The following BCAS3 variants were observed in gnomAD, a reference collection of about 807,000 sequenced individuals.
BCAS3 encodes the protein BCAS3 microtubule associated cell migration factor, also known as BCAS4/BCAS3 fusion.
Under a neutral mutation model 116.1 loss-of-function variants are expected in BCAS3, and 53 were observed. That is an observed-to-expected ratio of 0.46 (90% confidence interval 0.37 to 0.57). The LOEUF (loss-of-function observed/expected upper bound fraction) is 0.57. BCAS3 is among the 20% of genes least tolerant of loss of function. BCAS3 has a pLI of 0.00. For missense variants in BCAS3, 917 were observed against 1,165.4 expected (o/e 0.79, Z 3.10); for synonymous variants, 391 against 408.2 (o/e 0.96, Z 0.51).
intron 10 of BCAS3, among the ~76,000 whole-genome samples, chr17:60,895,049 T>G (rs2145028560): frequency 6.6e-6 from 1 of 152,194 alleles, no homozygotes; most frequent in South Asian, 2.1e-4. Context: ...CCTTGTCTGG[T>G]TTTGGTATCA....
Position 60,725,927 on chromosome 17 carries a change from C to G in BCAS3, c.321+16602C>G, listed in dbSNP as rs1327433710. 2.0e-5 allele frequency among the ~76,000 whole-genome samples: 3 copies of G among 152,006 alleles called. No individual in the cohort carries two copies. The East Asian group carries it at 5.8e-4, about 29-fold the overall frequency. ...TTGTTGTTTTTGAGACGGAGTTTCG[C>G]TCTTGTTGCCCAGCCTGGAGTGCAA... On this transcript the variant is annotated intron_variant, in intron 5 of 23. Transcript: ENST00000407086.
chr17:60,779,832 A>G (rs1598658258), intron 6 of BCAS3, among the ~76,000 whole-genome samples: 1 of 152,188 alleles, frequency 6.6e-6, no homozygotes, highest in Admixed American at 6.6e-5. Context: ...AAATCATGCA[A>G]GAATGGTATG....
intron 11 of BCAS3, among the ~76,000 whole-genome samples, chr17:60,907,066 A>G (rs1318858498): frequency 3.3e-5 from 5 of 152,180 alleles, no homozygotes; most frequent in African/African-American, 1.2e-4. Flanking sequence ...GGATAAATAT[A>G]TTCATTGCAT....
chr17:61,055,314 C>A (rs1393525876), intron 19 of BCAS3, among the ~76,000 whole-genome samples: 1 of 152,120 alleles, frequency 6.6e-6, no homozygotes, highest in African/African-American at 2.4e-5. Flanking sequence ...AATTCTGGCG[C>A]CATTTCAGGG....
intron 13 of BCAS3, among the ~76,000 whole-genome samples, chr17:60,931,484 A>C (rs538522047): frequency 1.4e-4 from 21 of 151,958 alleles, no homozygotes; most frequent in Non-Finnish European, 2.9e-4. Context: ...ACCATGTTGC[A>C]CGGGCTGGTC....
Position 61,067,273 on chromosome 17 carries a change from GTATATATATATA to G in BCAS3, c.2030-7615_2030-7604del, listed in dbSNP as rs1199603635. On this transcript the variant is annotated intron_variant, in intron 19 of 23. Transcript: ENST00000407086. ...CATAACTTTATTTATGTGTGTATGT[GTATATATATATA>G]TATATATATATATATATATATATAT... 3.6e-3 allele frequency among the ~76,000 whole-genome samples: 210 copies of G among 58,800 alleles called. 1 individual carries two copies. Among genetic ancestry groups the G allele is most frequent in the East Asian group, 0.01 (20 of 1,944 alleles). 38.6% of individuals were successfully genotyped at this position (58,800 alleles called of 152,430 possible).
At chr17:60,891,385 ACATGTTAATATCTGGTGT>A (rs2057137382) in intron 10 of BCAS3, among the ~76,000 whole-genome samples, 1 of 152,224 alleles carries the variant, frequency 6.6e-6, no homozygotes, top group Admixed American at 6.5e-5. Flanking sequence ...CTTCAGGAAT[ACATGTTAATATCTGGTGT>A]CATGTACAGA....
chr17:60,923,227 C>G (rs2059196716), intron 12 of BCAS3, among the ~76,000 whole-genome samples: 1 of 152,296 alleles, frequency 6.6e-6, no homozygotes, highest in South Asian at 2.1e-4. Flanking sequence ...GCATAAAGAT[C>G]TGACAGGATA....
chr17:61,042,291 GTGT>G (rs1687280300), intron 19 of BCAS3, among the ~76,000 whole-genome samples: 1 of 151,966 alleles, frequency 6.6e-6, no homozygotes, highest in Non-Finnish European at 1.5e-5. Context: ...ATTGTGTTTT[GTGT>G]TGTTATTTTG....
At chr17:61,046,022 AT>A (rs1392222344) in intron 19 of BCAS3, among the ~76,000 whole-genome samples, 1 of 11,798 alleles carries the variant, frequency 8.5e-5, no homozygotes, top group African/African-American at 7.3e-4. Context: ...TTATATATAT[AT>A]TATATATATA....
In BCAS3 at chr17:61,219,283, G is replaced by A. The variant is rs778720190; in HGVS notation, c.2425+134719G>A. Among the ~76,000 whole-genome samples the A allele has an allele frequency of 5.3e-5, 8 of 152,150 alleles. No individual in the cohort carries two copies. The highest frequency in any genetic ancestry group is 1.0e-4 in the Non-Finnish European group (7 of 68,030). The stretch of plus-strand genomic sequence containing the variant: ...AAATCCTGTGTCTCAGTGGTACCCA[G>A]CGATACCCTGGAGAGGAACATTCCA... On this transcript the variant is annotated intron_variant, in intron 22 of 23. Transcript: ENST00000407086. This position sits in a 1 kb window ranked among gnomAD's most constrained non-coding sequence, Gnocchi z 5.2.
chr17:60,707,511 C>A (rs940602592), intron 4 of BCAS3, among the ~76,000 whole-genome samples: 1 of 152,196 alleles, frequency 6.6e-6, no homozygotes, highest in Non-Finnish European at 1.5e-5. Flanking sequence ...CCAATCTTTA[C>A]ATCATTTATT....
At chr17:60,981,036 A>C (rs1050068313) in intron 14 of BCAS3, among the ~76,000 whole-genome samples, 4 of 151,752 alleles carry the variant, frequency 2.6e-5, no homozygotes, top group African/African-American at 9.7e-5. Context: ...GGTCCTTGCT[A>C]TGTTGCACAG....
intron 9 of BCAS3, among the ~76,000 whole-genome samples, chr17:60,875,954 T>C (rs1262420917): frequency 6.6e-6 from 1 of 152,062 alleles, no homozygotes; most frequent in Non-Finnish European, 1.5e-5. Flanking sequence ...CCCAATTATT[T>C]TGAAGCATAT....
intron 7 of BCAS3, among the ~76,000 whole-genome samples, chr17:60,823,581 C>T (rs2050138825): frequency 6.6e-6 from 1 of 151,632 alleles, no homozygotes; most frequent in Non-Finnish European, 1.5e-5. Flanking sequence ...CAAAACAAAA[C>T]GAAATGGAGA....
At chr17:60,688,309 A>AT (rs886864298) in intron 3 of BCAS3, 30 of 149,834 alleles carry the variant, frequency 2.0e-4, no homozygotes, top group East Asian at 5.9e-4. Context: ...TTAGGGGAGA[A>AT]TTTTTTTTTT....
rs982492861 is a variant in BCAS3 at position 61,186,316 on chromosome 17, A to T, written c.2425+101752A>T. Among the ~76,000 whole-genome samples, 1 of 152,170 alleles carries T rather than the reference A, an allele frequency of 6.6e-6. No individual in the cohort carries two copies. Among genetic ancestry groups the T allele is most frequent in the Non-Finnish European group, 1.5e-5 (1 of 68,002 alleles). ...TTGTCTTTATTACAGTTAGTTATCCATCCCTATATCTTAGCTGTTTTCACT... is the reference window on the plus strand; with the variant it reads ...TTGTCTTTATTACAGTTAGTTATCCTTCCCTATATCTTAGCTGTTTTCACT... On this transcript the variant is annotated intron_variant, in intron 22 of 23. Coordinates refer to ENST00000407086, the MANE Select transcript of BCAS3 (RefSeq NM_017679.5). The surrounding 1 kb of genome is among the most constrained non-coding windows in gnomAD (Gnocchi z 4.9).
At chr17:61,267,623 C>T (rs889799933) in intron 22 of BCAS3, among the ~76,000 whole-genome samples, 9 of 145,152 alleles carry the variant, frequency 6.2e-5, no homozygotes, top group African/African-American at 2.3e-4. Context: ...TGTAATCCTC[C>T]TGGATTACAG....
Position 61,345,801 on chromosome 17 carries a change from A to G in BCAS3, c.2426-22526A>G, listed in dbSNP as rs551002101. Reference sequence around the variant, plus strand: ...ACCAGGAGGAAGCCAGTAGATTGGGATGATAGGGAGGACTCCAGGGGCAAG... The same window carrying G: ...ACCAGGAGGAAGCCAGTAGATTGGGGTGATAGGGAGGACTCCAGGGGCAAG... On this transcript the variant is annotated intron_variant, in intron 22 of 23. Coordinates refer to ENST00000407086, the MANE Select transcript of BCAS3 (RefSeq NM_017679.5). Among the ~76,000 whole-genome samples the G allele has an allele frequency of 3.9e-5, 6 of 152,254 alleles. No individual in the cohort carries two copies. The South Asian group carries it at 1.0e-3, about 26-fold the overall frequency.
Sources: gnomAD v4.1 joint callset for allele counts (sites outside exome capture counted in the v4.1 genomes callset) on GRCh38, gnomAD v4.1.1 for gene constraint, Gnocchi (gnomAD v3.1) non-coding constraint, MANE v1.5 for transcripts, NCBI Gene and HGNC (gene_info 2026-07-23, HGNC 2026-07-21) for gene names.